The following SPIRE2 variants were observed in gnomAD, a reference collection of about 807,000 sequenced individuals.
SPIRE2 encodes protein spire homolog 2.
A neutral mutation model predicts 80.7 loss-of-function variants in SPIRE2; 76 were observed. The observed-to-expected ratio is 0.94, with a 90% confidence interval of 0.78 to 1.14. The LOEUF (loss-of-function observed/expected upper bound fraction) is 1.14, where lower values mean the gene tolerates loss of function less well. SPIRE2 is among the 50% of genes most tolerant of loss of function. The probability of loss-of-function intolerance (pLI) is 0.00; values close to 1 mark genes in which losing one functional copy is unlikely to be tolerated. For synonymous variants in SPIRE2, 535 were observed against 432.6 expected, an observed-to-expected ratio of 1.24 and a Z score of -2.94; for missense variants, 1,196 against 1,015.3, an observed-to-expected ratio of 1.18 and a Z score of -2.42.
intron 5 of SPIRE2, among the ~76,000 whole-genome samples, 153 bp from the exon 6 acceptor site, chr16:89,855,447 T>A (rs1213958735): frequency 6.6e-6 from 1 of 152,042 alleles, no homozygotes; most frequent in African/African-American, 2.4e-5. Flanking sequence ...GCCGTGCGTT[T>A]ACCAGGGAAG....
rs1160301161 is a variant in SPIRE2 at position 89,863,179 on chromosome 16, G to GCAGGCAGGGACACCTTGAA, written c.1576-293_1576-275dup. On this transcript the variant is annotated intron_variant, in intron 10 of 14. Transcript: ENST00000378247. This position sits in a 1 kb window ranked among gnomAD's most constrained non-coding sequence, Gnocchi z 4.3. ...GTGTGGATCAGCCCATGGTGTGTTT[G>GCAGGCAGGGACACCTTGAA]CAGGCAGGGACACCTTGAACAGACA... 1 of 441,524 alleles carries GCAGGCAGGGACACCTTGAA rather than the reference G, an allele frequency of 2.3e-6. No individual in the cohort carries two copies. Among genetic ancestry groups the GCAGGCAGGGACACCTTGAA allele is most frequent in the African/African-American group, 2.0e-5 (1 of 50,118 alleles). The allele number at this position is 441,524 out of a possible 1,614,324, so 27.4% of individuals were successfully genotyped here.
chr16:89,868,030 C>T (rs1597226287), intron 12 of SPIRE2, among the ~76,000 whole-genome samples, 159 bp from the exon 13 acceptor site: 1 of 152,170 alleles, frequency 6.6e-6, no homozygotes, highest in East Asian at 1.9e-4. Flanking sequence ...TAAAGAAAAG[C>T]AAGATTTTGG....
chr16:89,850,494 G>A lies in SPIRE2; in HGVS notation c.479G>A (p.Gly160Asp), dbSNP rs1309832452. The A allele has an allele frequency of 6.5e-7, 1 of 1,531,004 alleles. No individual in the cohort carries two copies. Among genetic ancestry groups the A allele is most frequent in the South Asian group, 1.3e-5 (1 of 79,942 alleles). 94.8% of individuals were successfully genotyped at this position (1,531,004 alleles called of 1,614,324 possible). The change falls in exon 3 of 15, where the codon GGC (glycine) becomes GAC (aspartate). Residue 160 changes from glycine (G) to aspartate (D), a missense_variant. By Grantham distance (94) the Gly-to-Asp change is moderately conservative (BLOSUM62 -1). Coordinates refer to ENST00000378247, the MANE Select transcript of SPIRE2 (RefSeq NM_032451.2). ...GGPEEEEEAE[G>D]VPRSVRTFAQ... is the part of the protein sequence containing the mutation. ...CCCGAGGAGGAGGAGGAGGCCGAGG[G>A]CGTCCCCCGCAGCGTGCGCACCTTT...
intron 14 of SPIRE2, 21 bp downstream of exon 14, chr16:89,869,703 CTGA>C (rs1350761094): frequency 6.4e-7 from 1 of 1,572,446 alleles, no homozygotes; most frequent in Admixed American, 1.7e-5. Flanking sequence ...CGCCTTGCTG[CTGA>C]TGTCACTGTG....
At chr16:89,849,383 G>T (rs1479661246) in intron 2 of SPIRE2, among the ~76,000 whole-genome samples, 1 of 152,272 alleles carries the variant, frequency 6.6e-6, no homozygotes, top group East Asian at 1.9e-4. Context: ...CCCCACGTCA[G>T]TGTGGCTCGA....
chr16:89,853,221 T>C (rs1385240549), intron 3 of SPIRE2, among the ~76,000 whole-genome samples: 1 of 152,316 alleles, frequency 6.6e-6, no homozygotes, highest in African/African-American at 2.4e-5. Flanking sequence ...CAGGCTGGTC[T>C]CAAACTCTTG....
Position 89,856,288 on chromosome 16 carries a change from C to T in SPIRE2, c.1102+52C>T, listed in dbSNP as rs1048653383. The T allele has an allele frequency of 2.6e-6, 4 of 1,526,214 alleles. No homozygotes were observed. The South Asian group carries it at 3.6e-5, about 14-fold the overall frequency. The allele number at this position is 1,526,214 out of a possible 1,614,324, so 94.5% of individuals were successfully genotyped here. A position where few individuals can be genotyped will look rare whatever the true frequency, so the allele number is the denominator to read the frequency against. ...GAGCCCTGAGCCCCCGGCTGGGGTT[C>T]CCCCATTCCCCTGGTCAGGTTGCAC... On this transcript the variant is annotated intron_variant, in intron 7 of 14. Transcript: ENST00000378247.
At chr16:89,850,283 G>A (rs774792044) in intron 2 of SPIRE2, 21 bp from the exon 3 acceptor site, 194 of 1,596,426 alleles carry the variant, frequency 1.2e-4, no homozygotes, top group Middle Eastern at 3.3e-4. Context: ...ACCGCCCAGT[G>A]ACCGCGCCCC....
rs1365454697 is a variant in SPIRE2 at position 89,859,230 on chromosome 16, G to A, written c.1338G>A (p.Leu446=). ...KRDRSFSEHD[L]AQLRSEVASG... ...ACCGCTCCTTCTCAGAGCATGACCT[G>A]GCCCAGCTCCGAAGTGAGGTGGCCT... The change falls in exon 9 of 15, where the codon CTG becomes CTA. Residue 446 remains leucine (L), a synonymous_variant. Coordinates refer to ENST00000378247, the MANE Select transcript of SPIRE2 (RefSeq NM_032451.2). 6.8e-6 allele frequency: 11 copies of A among 1,608,450 alleles called. No homozygotes were observed. The highest frequency in any genetic ancestry group is 9.3e-6 in the Non-Finnish European group (11 of 1,177,994).
intron 5 of SPIRE2, 66 bp downstream of exon 5, chr16:89,854,717 A>AGGGGCAGCCTGGATGCAGCGGTCGTGG (rs1328838051): frequency 6.4e-7 from 1 of 1,558,362 alleles, no homozygotes. Flanking sequence ...GCGGACGCAG[A>AGGGGCAGCCTGGATGCAGCGGTCGTGG]TGAGCAGCCT....
chr16:89,853,023 G>A (rs941606319), intron 3 of SPIRE2, among the ~76,000 whole-genome samples: 1 of 151,628 alleles, frequency 6.6e-6, no homozygotes, highest in African/African-American at 2.4e-5. Flanking sequence ...AAGATCCCAT[G>A]GCCCATCTTC....
chr16:89,838,808 CAG>C (rs916877078), intron 1 of SPIRE2, among the ~76,000 whole-genome samples: 2 of 152,314 alleles, frequency 1.3e-5, no homozygotes, highest in Non-Finnish European at 2.9e-5. Context: ...CTCCTGCACT[CAG>C]GGGCTCCCCT....
chr16:89,868,305 C>A, intron 13 of SPIRE2, 89 bp downstream of exon 13: 1 of 1,276,074 alleles, frequency 7.8e-7, no homozygotes, highest in Non-Finnish European at 1.1e-6. Flanking sequence ...GATGCTGCCT[C>A]ACCAGGCACC....
chr16:89,834,619 C>T (rs111386169), intron 1 of SPIRE2, among the ~76,000 whole-genome samples: 1 of 120,372 alleles, frequency 8.3e-6, no homozygotes, highest in Admixed American at 8.8e-5. Context: ...TGCCCGCACT[C>T]GCGGTTGGCC....
chr16:89,859,090 C>T (rs2143819634), intron 8 of SPIRE2, 75 bp from the exon 9 acceptor site: 2 of 1,378,302 alleles, frequency 1.5e-6, no homozygotes. Context: ...CCTGGGTCCT[C>T]TGCTTCATTC....
At chr16:89,860,196 T>A (rs1056532044) in intron 9 of SPIRE2, among the ~76,000 whole-genome samples, 1 of 152,012 alleles carries the variant, frequency 6.6e-6, no homozygotes, top group Admixed American at 6.6e-5. Flanking sequence ...CCTTCCGGGG[T>A]CCTGTGGACC....
chr16:89,858,299 G>A (rs1321132490), intron 7 of SPIRE2, 39 bp from the exon 8 acceptor site: 18 of 1,518,562 alleles, frequency 1.2e-5, no homozygotes, highest in East Asian at 2.4e-5. Context: ...CTGTCTCCCC[G>A]TTCACTGGCC....
In SPIRE2 at chr16:89,852,998, C is replaced by T. The variant is rs1443405582; in HGVS notation, c.646-1288C>T. On this transcript the variant is annotated intron_variant, in intron 3 of 14. Transcript: ENST00000378247. ...CGGATCCCATGGCCCGTCTTCCATC[C>T]TCCCTCTCACCCTCAAGATCCCATG... 4.0e-5 allele frequency among the ~76,000 whole-genome samples: 6 copies of T among 150,368 alleles called. 1 individual carries two copies. Among genetic ancestry groups the T allele is most frequent in the African/African-American group, 7.3e-5 (3 of 40,824 alleles).
intron 12 of SPIRE2, among the ~76,000 whole-genome samples, chr16:89,866,182 T>G (rs2041787514): frequency 6.6e-6 from 1 of 152,104 alleles, no homozygotes; most frequent in African/African-American, 2.4e-5. Flanking sequence ...TCTGTAAAAT[T>G]ATGTATATTT....
Sources: gnomAD v4.1 joint callset for allele counts (sites outside exome capture counted in the v4.1 genomes callset) on GRCh38, gnomAD v4.1.1 for gene constraint, Gnocchi (gnomAD v3.1) non-coding constraint, MANE v1.5 for transcripts, NCBI Gene and HGNC (gene_info 2026-07-23, HGNC 2026-07-21) for gene names.